UBE2E2: variants seen among roughly 807,000 people sequenced by gnomAD.
The protein encoded by UBE2E2 is ubiquitin-conjugating enzyme E2 E2.
UBE2E2 carries 6 observed loss-of-function variants against 24.7 expected under a neutral mutation model. The observed-to-expected ratio is 0.24, with a 90% confidence interval of 0.13 to 0.48. UBE2E2 has a LOEUF of 0.48. Ranked by LOEUF, UBE2E2 falls within the 20% of genes least tolerant of loss-of-function variation. UBE2E2 has a pLI of 0.99. For synonymous variants in UBE2E2, 104 were observed against 83.6 expected, an observed-to-expected ratio of 1.24 and a Z score of -1.33; for missense variants, 169 against 245.0, an observed-to-expected ratio of 0.69 and a Z score of 2.07.
intron 3 of UBE2E2, among the ~76,000 whole-genome samples, chr3:23,256,999 A>T (rs1043856568): frequency 2.0e-5 from 3 of 152,250 alleles, no homozygotes; most frequent in South Asian, 2.1e-4. Context: ...CGTGTGAACC[A>T]CGAAGGAACT....
At chr3:23,452,487 T>G (rs1698582762) in intron 3 of UBE2E2, among the ~76,000 whole-genome samples, 2 of 152,222 alleles carry the variant, frequency 1.3e-5, no homozygotes, top group South Asian at 4.1e-4. Flanking sequence ...TGAGAGACTT[T>G]AGAAAGTTTA....
intron 3 of UBE2E2, among the ~76,000 whole-genome samples, chr3:23,350,225 A>C: frequency 6.6e-6 from 1 of 152,218 alleles, no homozygotes; most frequent in Non-Finnish European, 1.5e-5. Context: ...CCACACCAAA[A>C]ACCCATCTGT....
chr3:23,513,022 C>A (rs1398685301), intron 4 of UBE2E2, among the ~76,000 whole-genome samples: 1 of 152,114 alleles, frequency 6.6e-6, no homozygotes, highest in Non-Finnish European at 1.5e-5. Context: ...TTCCCCCATA[C>A]TTGGCCACTA....
intron 3 of UBE2E2, among the ~76,000 whole-genome samples, chr3:23,245,937 G>A (rs1380384926): frequency 1.3e-5 from 2 of 152,112 alleles, no homozygotes; most frequent in East Asian, 3.9e-4. Context: ...TAAGTAGGTG[G>A]ATAAAATGAT....
intron 5 of UBE2E2, among the ~76,000 whole-genome samples, chr3:23,544,185 T>C (rs1695462446): frequency 6.6e-6 from 1 of 152,010 alleles, no homozygotes; most frequent in Non-Finnish European, 1.5e-5. Context: ...CGAAAGCAAA[T>C]GCAGCAAAAA....
intron 4 of UBE2E2, among the ~76,000 whole-genome samples, chr3:23,504,434 C>T (rs1694382046): frequency 6.6e-6 from 1 of 152,054 alleles, no homozygotes; most frequent in Non-Finnish European, 1.5e-5. Flanking sequence ...TTATGATTTT[C>T]TCAGGTTAAA....
At chr3:23,242,813 C>T (rs921599958) in intron 3 of UBE2E2, among the ~76,000 whole-genome samples, 1 of 152,124 alleles carries the variant, frequency 6.6e-6, no homozygotes, top group African/African-American at 2.4e-5. Context: ...CGGCCAGGCG[C>T]AGTGGCTCAC....
rs774012577 is a variant in UBE2E2, at chr3:23,407,646, CATGT to C, written c.228-91961_228-91958del. Among the ~76,000 whole-genome samples, 191 of 93,588 alleles carry C rather than the reference CATGT, an allele frequency of 2.0e-3. No individual in the cohort carries two copies. Among genetic ancestry groups the C allele is most frequent in the African/African-American group, 0.01 (178 of 17,796 alleles). 61.4% of individuals were successfully genotyped at this position (93,588 alleles called of 152,430 possible). On this transcript the variant is annotated intron_variant, in intron 3 of 5. Coordinates refer to ENST00000396703, the MANE Select transcript of UBE2E2 (RefSeq NM_152653.4). This position sits in a 1 kb window ranked among gnomAD's most constrained non-coding sequence, Gnocchi z 4.0. ...GTGTGTGTTTGTGTGTGCATGCGTG[CATGT>C]GTGTGTGTGTGTGTGTGTGTGTGTG... is the stretch of plus-strand genomic sequence containing the variant.
intron 4 of UBE2E2, among the ~76,000 whole-genome samples, chr3:23,511,022 T>A (rs1287470788): frequency 6.6e-6 from 1 of 152,210 alleles, no homozygotes; most frequent in Non-Finnish European, 1.5e-5. Flanking sequence ...GTATGTACCA[T>A]GCAGTGGTCT....
chr3:23,513,947 A>T (rs1404456840), intron 4 of UBE2E2, among the ~76,000 whole-genome samples: 1 of 152,160 alleles, frequency 6.6e-6, no homozygotes, highest in Non-Finnish European at 1.5e-5. Flanking sequence ...ACAGTCTCTA[A>T]GTTTCCTTTC....
rs146008927 is a variant in UBE2E2 at position 23,456,399 on chromosome 3, T to A, written c.228-43209T>A. Among the ~76,000 whole-genome samples, 613 of 152,362 alleles carry A rather than the reference T, an allele frequency of 4.0e-3. 1 individual carries two copies. The highest frequency in any genetic ancestry group is 6.8e-3 in the Middle Eastern group (2 of 294). On this transcript the variant is annotated intron_variant, in intron 3 of 5. Coordinates refer to ENST00000396703, the MANE Select transcript of UBE2E2 (RefSeq NM_152653.4). The stretch of plus-strand genomic sequence containing the variant: ...CCATTCCACAAGATTTTCAGTTGAC[T>A]TTGCCCAGATCCATCAGAGGAATCA...
At chr3:23,292,390 C>T (rs1698793124) in intron 3 of UBE2E2, among the ~76,000 whole-genome samples, 2 of 152,174 alleles carry the variant, frequency 1.3e-5, no homozygotes, top group Non-Finnish European at 2.9e-5. Flanking sequence ...CATACATGCC[C>T]ATGCTACTTT....
chr3:23,290,218 C>A (rs1334303330), intron 3 of UBE2E2, among the ~76,000 whole-genome samples: 2 of 152,196 alleles, frequency 1.3e-5, no homozygotes, highest in African/African-American at 2.4e-5. Flanking sequence ...GCTTCTGTAT[C>A]TTGTTACCTT....
At chr3:23,399,321 A>T (rs1475820127) in intron 3 of UBE2E2, among the ~76,000 whole-genome samples, 1 of 152,176 alleles carries the variant, frequency 6.6e-6, no homozygotes, top group Non-Finnish European at 1.5e-5. Context: ...GAGTTACTTG[A>T]ACACAACACT....
At chr3:23,255,432 G>A (rs550032243) in intron 3 of UBE2E2, among the ~76,000 whole-genome samples, 2 of 152,022 alleles carry the variant, frequency 1.3e-5, no homozygotes, top group Non-Finnish European at 1.5e-5. Flanking sequence ...TTAACATCAG[G>A]CACTTAAAAT....
chr3:23,247,206 C>T (rs1697435601), intron 3 of UBE2E2, among the ~76,000 whole-genome samples: 1 of 151,924 alleles, frequency 6.6e-6, no homozygotes, highest in South Asian at 2.1e-4. Context: ...TATTTATTCT[C>T]TTTTTATTCC....
intron 5 of UBE2E2, among the ~76,000 whole-genome samples, chr3:23,566,339 A>G (rs574593357): frequency 6.6e-5 from 10 of 152,266 alleles, no homozygotes; most frequent in South Asian, 2.1e-4. Context: ...CATGGGGAGT[A>G]ATGGTGATTA....
At chr3:23,255,516 A>G (rs1559458285) in intron 3 of UBE2E2, among the ~76,000 whole-genome samples, 1 of 152,186 alleles carries the variant, frequency 6.6e-6, no homozygotes, top group Admixed American at 6.5e-5. Context: ...ACAGAGAGCA[A>G]ACATTTAGGG....
chr3:23,298,190 G>C (rs1575542180), intron 3 of UBE2E2, among the ~76,000 whole-genome samples: 1 of 152,218 alleles, frequency 6.6e-6, no homozygotes, highest in Non-Finnish European at 1.5e-5. Flanking sequence ...ATTTTGGGCT[G>C]AGACAGCGGG....
Sources: gnomAD v4.1 joint callset for allele counts (sites outside exome capture counted in the v4.1 genomes callset) on GRCh38, gnomAD v4.1.1 for gene constraint, Gnocchi (gnomAD v3.1) non-coding constraint, MANE v1.5 for transcripts, NCBI Gene and HGNC (gene_info 2026-07-23, HGNC 2026-07-21) for gene names.